TMEM14A: variants seen among roughly 807,000 people sequenced by gnomAD.
TMEM14A encodes the protein transmembrane protein 14A.
A neutral mutation model predicts 11.6 loss-of-function variants in TMEM14A; 8 were observed. The ratio of observed to expected loss-of-function variants is 0.69; its 90% CI spans 0.40 to 1.24. The LOEUF is 1.24. Ranked by LOEUF, TMEM14A falls within the 50% of genes most tolerant of loss-of-function variation. The probability of loss-of-function intolerance (pLI) is 0.01; values close to 1 mark genes in which losing one functional copy is unlikely to be tolerated. For missense variants in TMEM14A, 108 were observed against 121.9 expected (o/e 0.89, Z 0.54); for synonymous variants, 34 against 45.5 (o/e 0.75, Z 1.02).
At chr6:52,684,473 A>G (rs948029851) in intron 4 of TMEM14A, among the ~76,000 whole-genome samples, 1 of 152,218 alleles carries the variant, frequency 6.6e-6, no homozygotes, top group African/African-American at 2.4e-5. Flanking sequence ...GCAACACTAA[A>G]TGTGTTCATT....
At chr6:52,672,777 C>A (rs1769186399) in intron 1 of TMEM14A, among the ~76,000 whole-genome samples, 1 of 152,192 alleles carries the variant, frequency 6.6e-6, no homozygotes, top group Non-Finnish European at 1.5e-5. Flanking sequence ...CTAGATAAGC[C>A]TACCGTTATC....
intron 3 of TMEM14A, among the ~76,000 whole-genome samples, chr6:52,683,583 T>C (rs1581746444): frequency 6.6e-6 from 1 of 151,858 alleles, no homozygotes; most frequent in Non-Finnish European, 1.5e-5. Flanking sequence ...TTCGGCGAGG[T>C]AGATGATGAT....
At chr6:52,684,975 T>G (rs1447579806) in intron 4 of TMEM14A, among the ~76,000 whole-genome samples, 1 of 152,222 alleles carries the variant, frequency 6.6e-6, no homozygotes, top group Non-Finnish European at 1.5e-5. Context: ...CATTTTTATG[T>G]TTTCAAAAAT....
At chr6:52,672,371 A>C (rs555786744) in intron 1 of TMEM14A, among the ~76,000 whole-genome samples, 1 of 144,598 alleles carries the variant, frequency 6.9e-6, no homozygotes, top group Non-Finnish European at 1.6e-5. Flanking sequence ...TTAATCTTTC[A>C]CAACAGCTAC....
chr6:52,672,239 C>T (rs1769174369), intron 1 of TMEM14A, among the ~76,000 whole-genome samples: 1 of 152,016 alleles, frequency 6.6e-6, no homozygotes, highest in Non-Finnish European at 1.5e-5. Flanking sequence ...ATAAACTGAA[C>T]CTTGGTTTGC....
At chr6:52,682,588 GA>G (rs1367047274) in intron 3 of TMEM14A, among the ~76,000 whole-genome samples, 1 of 47,640 alleles carries the variant, frequency 2.1e-5, no homozygotes, top group East Asian at 9.2e-4. Context: ...GAGAGTGAGA[GA>G]TTTGGGGTTT....
At chr6:52,674,423 T>G (rs2670143) in intron 1 of TMEM14A, among the ~76,000 whole-genome samples, 3 of 151,938 alleles carry the variant, frequency 2.0e-5, no homozygotes, top group Non-Finnish European at 2.9e-5. Flanking sequence ...AAGTCAGAGA[T>G]CTTTGTTTTG....
At chr6:52,674,858 A>G (rs1273993935) in intron 1 of TMEM14A, among the ~76,000 whole-genome samples, 3 of 148,796 alleles carry the variant, frequency 2.0e-5, no homozygotes, top group African/African-American at 5.0e-5. Context: ...GTTCTAGTGG[A>G]TGACTCTGAG....
chr6:52,681,781 C>T (rs145766710), intron 2 of TMEM14A, 32 bp from the exon 3 acceptor site: 69 of 1,571,242 alleles, frequency 4.4e-5, no homozygotes, highest in Middle Eastern at 1.7e-4. Flanking sequence ...TTGGGATTCT[C>T]TTTGTGATCT....
At position 52,675,958 on chromosome 6, in the gene TMEM14A, A is replaced by G. The variant is rs532433221; in HGVS notation, c.-16-1129A>G. Among the ~76,000 whole-genome samples, 24 of 152,276 alleles carry G rather than the reference A, an allele frequency of 1.6e-4. No individual in the cohort carries two copies. In the South Asian group the frequency reaches 1.9e-3, roughly 12 times the overall value. ...TTAATAAGGGTAGAAGTCAGGGGAG[A>G]AGGTTTAAAGGGAGGTGGCATACAG... On this transcript the variant is annotated intron_variant, in intron 1 of 4. Transcript: ENST00000211314.
chr6:52,685,950 TTC>T, intron 4 of TMEM14A, 58 bp from the exon 5 acceptor site: 1 of 1,565,894 alleles, frequency 6.4e-7, no homozygotes, highest in Non-Finnish European at 8.7e-7. Flanking sequence ...GCATGGCCCT[TTC>T]TGTCTTATGC....
intron 2 of TMEM14A, among the ~76,000 whole-genome samples, chr6:52,677,387 C>T (rs766335416): frequency 3.9e-5 from 6 of 152,152 alleles, no homozygotes; most frequent in Non-Finnish European, 5.9e-5. Context: ...GCCTCTCTTC[C>T]ACCACAAAAC....
At chr6:52,678,583 T>C (rs1561874338) in intron 2 of TMEM14A, among the ~76,000 whole-genome samples, 1 of 152,106 alleles carries the variant, frequency 6.6e-6, no homozygotes, top group East Asian at 1.9e-4. Flanking sequence ...CACTTTGTAG[T>C]ATAATGTGGG....
Position 52,686,546 on chromosome 6 carries a change from C to G in TMEM14A, c.*497C>G, listed in dbSNP as rs1769497506. On this transcript the variant is annotated 3_prime_UTR_variant, in exon 5 of 5. Coordinates refer to ENST00000211314, the MANE Select transcript of TMEM14A (RefSeq NM_014051.4). ...TTCTTAGCACACTGTTATGTCCTAA[C>G]TGAATGTATTCAGTATTCAAATAAA... 2.6e-6 allele frequency: 1 copy of G among 377,368 alleles called. No homozygotes were observed. The highest frequency in any genetic ancestry group is 4.7e-6 in the Non-Finnish European group (1 of 211,158). The allele number at this position is 377,368 out of a possible 1,614,324, so 23.4% of individuals were successfully genotyped here.
chr6:52,685,357 G>C (rs772126269), intron 4 of TMEM14A, among the ~76,000 whole-genome samples: 5 of 152,146 alleles, frequency 3.3e-5, no homozygotes, highest in Non-Finnish European at 7.3e-5. Flanking sequence ...ACTTTGGAAG[G>C]CTTTGGCGGG....
intron 2 of TMEM14A, among the ~76,000 whole-genome samples, chr6:52,679,648 C>T (rs915289587): frequency 1.3e-5 from 2 of 152,170 alleles, no homozygotes; most frequent in African/African-American, 4.8e-5. Context: ...GGTCACTGAG[C>T]TTGTTCTCAG....
At chr6:52,678,319 ATGTGTGTGTTTGTGTGTG>A (rs1384282090) in intron 2 of TMEM14A, among the ~76,000 whole-genome samples, 10,034 of 133,692 alleles carry the variant, frequency 0.075, 455 homozygotes, top group Middle Eastern at 0.13. Flanking sequence ...GAGTGTGTGT[ATGTGTGTGTTTGTGTGTG>A]TGTGTGTGTG....
intron 3 of TMEM14A, among the ~76,000 whole-genome samples, chr6:52,683,138 G>A (rs1769422426): frequency 6.6e-6 from 1 of 152,154 alleles, no homozygotes; most frequent in Non-Finnish European, 1.5e-5. Flanking sequence ...TTCAAGGCGT[G>A]TTCTTTGAAT....
At chr6:52,680,046 A>G (rs957503210) in intron 2 of TMEM14A, among the ~76,000 whole-genome samples, 9 of 151,808 alleles carry the variant, frequency 5.9e-5, no homozygotes, top group African/African-American at 2.2e-4. Context: ...AACATGACCC[A>G]TAATAGGGGT....
Sources: allele counts gnomAD v4.1 joint callset (sites outside exome capture counted in the v4.1 genomes callset), GRCh38; gene constraint gnomAD v4.1.1; transcripts MANE v1.5; gene names NCBI Gene and HGNC (gene_info 2026-07-23, HGNC 2026-07-21).